NCOA1: variants seen among roughly 807,000 people sequenced by gnomAD.
The protein encoded by NCOA1 is Hin-2 protein.
A neutral mutation model predicts 150.9 loss-of-function variants in NCOA1; 35 were observed. That is an observed-to-expected ratio of 0.23 (90% CI 0.18 to 0.31). The LOEUF (loss-of-function observed/expected upper bound fraction) is 0.31. Among genes scored for constraint, NCOA1 ranks in the 10% least tolerant of loss-of-function variants. The pLI is 1.00. For missense variants in NCOA1, 1,491 were observed against 1,749.3 expected (o/e 0.85, Z 2.63); for synonymous variants, 590 against 630.0 (o/e 0.94, Z 0.95).
At chr2:24,664,614 A>C (rs1671329103) in intron 5 of NCOA1, among the ~76,000 whole-genome samples, 1 of 152,150 alleles carries the variant, frequency 6.6e-6, no homozygotes, top group Non-Finnish European at 1.5e-5. Flanking sequence ...AGGCTGAGGC[A>C]GAAGAATCAC....
chr2:24,713,149 T>TGA (rs1673840096), intron 14 of NCOA1, among the ~76,000 whole-genome samples: 1 of 152,118 alleles, frequency 6.6e-6, no homozygotes, highest in South Asian at 2.1e-4. Context: ...GAGAATCACC[T>TGA]GAACCCAGGA....
At chr2:24,654,994 T>C (rs1041685372) in intron 4 of NCOA1, among the ~76,000 whole-genome samples, 1 of 152,162 alleles carries the variant, frequency 6.6e-6, no homozygotes, top group African/African-American at 2.4e-5. Context: ...TAAGCCTCTG[T>C]TTTTGCTTTA....
chr2:24,649,481 C>CT, intron 4 of NCOA1, among the ~76,000 whole-genome samples: 1 of 152,284 alleles, frequency 6.6e-6, no homozygotes, highest in South Asian at 2.1e-4. Context: ...CTGCATAACT[C>CT]TATGTCACTC....
chr2:24,748,807 G>T (rs1664073208), intron 19 of NCOA1, among the ~76,000 whole-genome samples: 1 of 151,932 alleles, frequency 6.6e-6, no homozygotes, highest in African/African-American at 2.4e-5. Context: ...TATTACACAG[G>T]CATATATGCA....
intron 3 of NCOA1, among the ~76,000 whole-genome samples, chr2:24,589,981 TCTGA>T: frequency 6.6e-6 from 1 of 152,304 alleles, no homozygotes; most frequent in East Asian, 1.9e-4. Flanking sequence ...GGCCCCATGT[TCTGA>T]CTGTCATGAG....
At chr2:24,701,737 A>G (rs1673172532) in intron 11 of NCOA1, among the ~76,000 whole-genome samples, 1 of 152,256 alleles carries the variant, frequency 6.6e-6, no homozygotes, top group African/African-American at 2.4e-5. Flanking sequence ...AAGGCTAGCC[A>G]TGGTGGCTCA....
In NCOA1 at chr2:24,697,841, T is replaced by A. The variant is rs756481469; in HGVS notation, c.949+43T>A. The A allele has an allele frequency of 8.7e-5, 135 of 1,558,598 alleles. 1 individual carries two copies. The highest frequency in any genetic ancestry group is 1.2e-4 in the Non-Finnish European group (132 of 1,135,688). On this transcript the variant is annotated intron_variant, in intron 11 of 22. Coordinates refer to ENST00000348332, the MANE Select transcript of NCOA1 (RefSeq NM_003743.5). Reference sequence around the variant, plus strand: ...AATTATTTTCATTAACCCTTATCTTTACTGATATTTGAATAGTTCGTATAG... The same window carrying A: ...AATTATTTTCATTAACCCTTATCTTAACTGATATTTGAATAGTTCGTATAG...
At chr2:24,767,949 A>C in intron 22 of NCOA1, 2 of 818,874 alleles carry the variant, frequency 2.4e-6, no homozygotes, top group Non-Finnish European at 4.0e-6. Flanking sequence ...CAACATTAGC[A>C]ATGATACTCA....
chr2:24,675,834 G>A (rs904366235), intron 7 of NCOA1, among the ~76,000 whole-genome samples: 6 of 152,302 alleles, frequency 3.9e-5, no homozygotes, highest in Admixed American at 3.9e-4. Context: ...GCAGTGAGCT[G>A]AGATTGCACC....
chr2:24,694,948 G>A (rs1672832474), intron 10 of NCOA1, among the ~76,000 whole-genome samples: 1 of 151,976 alleles, frequency 6.6e-6, no homozygotes, highest in African/African-American at 2.4e-5. Flanking sequence ...CCAAATAAGG[G>A]CTTTGTGAGA....
chr2:24,525,575 C>G (rs111977707), intron 1 of NCOA1, among the ~76,000 whole-genome samples: 2,170 of 145,202 alleles, frequency 0.015, 53 homozygotes, highest in African/African-American at 0.053. Flanking sequence ...TTGAGACAGT[C>G]TTGCTCTGTC....
rs1668164191 is a variant in NCOA1, at chr2:24,602,431, G to A, written c.-175+17871G>A. Among the ~76,000 whole-genome samples, 6 of 152,152 alleles carry A rather than the reference G, an allele frequency of 3.9e-5. No homozygotes were observed. In the South Asian group the frequency reaches 1.2e-3, roughly 32 times the overall value. On this transcript the variant is annotated intron_variant, in intron 3 of 22. Transcript: ENST00000348332. ...GCCCAGGCTGGTCTCAAACTCCTAA[G>A]CTCAAGCAATCTGCCTACCTCAGCC...
chr2:24,597,495 TGGCAGG>T lies in NCOA1; in HGVS notation c.-175+12939_-175+12944del, dbSNP rs202089007. Among the ~76,000 whole-genome samples the T allele has an allele frequency of 1.9e-3, 286 of 151,404 alleles. 1 individual carries two copies. Among genetic ancestry groups the T allele is most frequent in the African/African-American group, 6.9e-3 (284 of 41,332 alleles). The stretch of plus-strand genomic sequence containing the variant: ...TCAATGGGAGTATTGTTTGTGTTTG[TGGCAGG>T]GGCTGGGGCTGGGGCTGGGGAAGAT... On this transcript the variant is annotated intron_variant, in intron 3 of 22. Coordinates refer to ENST00000348332, the MANE Select transcript of NCOA1 (RefSeq NM_003743.5).
Position 24,769,076 on chromosome 2 carries a change from AT to A in NCOA1, c.*690del. 1 of 214,236 alleles carries A rather than the reference AT, an allele frequency of 4.7e-6. No individual in the cohort carries two copies. The highest frequency in any genetic ancestry group is 9.4e-6 in the Non-Finnish European group (1 of 105,876). 13.3% of individuals were successfully genotyped at this position (214,236 alleles called of 1,614,324 possible). ...ATACAGTTTGGGGGAAAATGCAATA[AT>A]TTTTGATGAGATGGGTGAAGGACAA... On this transcript the variant is annotated 3_prime_UTR_variant, in exon 23 of 23. Coordinates refer to ENST00000348332, the MANE Select transcript of NCOA1 (RefSeq NM_003743.5).
In NCOA1 at chr2:24,697,553, T is replaced by G. The variant is rs1402251462; in HGVS notation, c.809-105T>G. ...AGTGCTTTTTGATGCTTTTGTTTAT[T>G]GAGTATTTGGAAAGAATATTTCTTA... is the stretch of plus-strand genomic sequence containing the variant. On this transcript the variant is annotated intron_variant, in intron 10 of 22. Coordinates refer to ENST00000348332, the MANE Select transcript of NCOA1 (RefSeq NM_003743.5). 4 of 993,164 alleles carry G rather than the reference T, an allele frequency of 4.0e-6. No homozygotes were observed. The African/African-American group carries it at 6.6e-5, about 16-fold the overall frequency. 61.5% of individuals were successfully genotyped at this position (993,164 alleles called of 1,614,324 possible).
chr2:24,515,162 A>C (rs1019560733), intron 1 of NCOA1, among the ~76,000 whole-genome samples: 1 of 152,218 alleles, frequency 6.6e-6, no homozygotes, highest in Non-Finnish European at 1.5e-5. Flanking sequence ...TGGCGTTCCT[A>C]AATTACTAAA....
intron 6 of NCOA1, among the ~76,000 whole-genome samples, chr2:24,667,990 C>A (rs1156991683): frequency 6.6e-6 from 1 of 152,184 alleles, no homozygotes; most frequent in Non-Finnish European, 1.5e-5. Context: ...TGCCTGCCCC[C>A]ACTAGAGTTC....
chr2:24,576,250 C>G (rs1666982367), intron 2 of NCOA1, among the ~76,000 whole-genome samples: 2 of 144,904 alleles, frequency 1.4e-5, no homozygotes, highest in African/African-American at 5.2e-5. Context: ...CATATCAGCA[C>G]TCTCCTAACA....
intron 1 of NCOA1, among the ~76,000 whole-genome samples, chr2:24,538,004 T>C (rs948890402): frequency 7.2e-5 from 11 of 152,236 alleles, no homozygotes; most frequent in African/African-American, 1.7e-4. Flanking sequence ...CCCACACTTA[T>C]GGAAGTTAAG....
Sources: gnomAD v4.1 joint callset for allele counts (sites outside exome capture counted in the v4.1 genomes callset) on GRCh38, gnomAD v4.1.1 for gene constraint, MANE v1.5 for transcripts, NCBI Gene and HGNC (gene_info 2026-07-23, HGNC 2026-07-21) for gene names.